Variants in PRDM5 observed in about 807,000 individuals in gnomAD.
PRDM5 encodes PR domain zinc finger protein 5.
A neutral mutation model predicts 81.2 loss-of-function variants in PRDM5; 56 were observed. The observed-to-expected ratio is 0.69, with a 90% CI of 0.56 to 0.86. The LOEUF is 0.86. Among genes scored for constraint, PRDM5 ranks in the 40% least tolerant of loss-of-function variants. PRDM5 has a pLI of 0.00. For synonymous variants in PRDM5, 267 were observed against 256.4 expected (o/e 1.04, Z -0.39); for missense variants, 697 against 770.1 (o/e 0.91, Z 1.12).
intron 14 of PRDM5, among the ~76,000 whole-genome samples, chr4:120,743,387 C>A (rs1180213299): frequency 1.3e-5 from 2 of 151,006 alleles, no homozygotes; most frequent in African/African-American, 4.9e-5. Context: ...AGCAAAATAA[C>A]CAGCTAACAT....
rs1316559546 is a variant in PRDM5 at position 120,887,988 on chromosome 4, T to C, written c.177+19486A>G. On this transcript the variant is annotated intron_variant, in intron 2 of 15. Coordinates refer to ENST00000264808, the MANE Select transcript of PRDM5 (RefSeq NM_018699.4). The stretch of plus-strand genomic sequence containing the variant: ...TTTGTATTTTTAGTAGAGACGGGGT[T>C]TCACCGTTTTAGCCGGGATGGTCTC... Among the ~76,000 whole-genome samples, 6 of 66,596 alleles carry C rather than the reference T, an allele frequency of 9.0e-5. 2 individuals carry two copies. The highest frequency in any genetic ancestry group is 8.7e-4 in the East Asian group (2 of 2,286). The allele number at this position is 66,596 out of a possible 152,430, so 43.7% of individuals were successfully genotyped here.
rs1390610787 is a variant in PRDM5, at chr4:120,907,565, G to A, written c.94-8C>T. ...GGGTCCGAACTTTTCACCCTGAGTA[G>A]CAATGATTATATTGAACAAGGATTA... On this transcript the variant is annotated splice_region_variant and splice_polypyrimidine_tract_variant and intron_variant, in intron 1 of 15. Transcript: ENST00000264808. The A allele has an allele frequency of 2.5e-6, 4 of 1,595,456 alleles. No homozygotes were observed. Among genetic ancestry groups the A allele is most frequent in the Non-Finnish European group, 3.4e-6 (4 of 1,163,222 alleles).
At position 120,838,335 on chromosome 4, in the gene PRDM5, G is replaced by A. The variant is rs139243586; in HGVS notation, c.300+15083C>T. 1.7e-4 allele frequency: 26 copies of A among 152,112 alleles called. 1 individual carries two copies. In the East Asian group the frequency reaches 4.6e-3, roughly 27 times the overall value. 9.4% of individuals were successfully genotyped at this position (152,112 alleles called of 1,614,324 possible). A position where few individuals can be genotyped will look rare whatever the true frequency, so the allele number is the denominator to read the frequency against. ...ACACATAATTGTACATATTCATGGGGTACCTAGTGATGTTACAATACATAT... is the reference window on the plus strand; with the variant it reads ...ACACATAATTGTACATATTCATGGGATACCTAGTGATGTTACAATACATAT... On this transcript the variant is annotated intron_variant, in intron 3 of 15. Transcript: ENST00000264808.
intron 3 of PRDM5, among the ~76,000 whole-genome samples, chr4:120,849,336 T>C (rs533867814): frequency 2.0e-5 from 3 of 152,246 alleles, no homozygotes; most frequent in South Asian, 2.1e-4. Flanking sequence ...TGACTATCCA[T>C]CCTCAGGCAA....
At chr4:120,706,608 T>A (rs1736188204) in intron 15 of PRDM5, among the ~76,000 whole-genome samples, 1 of 151,806 alleles carries the variant, frequency 6.6e-6, no homozygotes, top group Non-Finnish European at 1.5e-5. Flanking sequence ...ATTTCAAAGT[T>A]ATTGCTATAG....
At chr4:120,816,792 A>G in intron 6 of PRDM5, 40 bp downstream of exon 6, 1 of 1,573,438 alleles carries the variant, frequency 6.4e-7, no homozygotes, top group Non-Finnish European at 8.7e-7. Context: ...AAAATGACCC[A>G]CAATTATATA....
At chr4:120,796,149 G>A (rs116765043) in intron 10 of PRDM5, among the ~76,000 whole-genome samples, 2,750 of 151,978 alleles carry the variant, frequency 0.018, 31 homozygotes, top group Middle Eastern at 0.031. Flanking sequence ...TAATTTCTGT[G>A]GCATATCCTT....
intron 2 of PRDM5, among the ~76,000 whole-genome samples, chr4:120,872,528 A>G (rs1761936391): frequency 1.3e-5 from 2 of 152,296 alleles, no homozygotes; most frequent in Admixed American, 6.5e-5. Context: ...AGGCAGGAGG[A>G]TGACTTGAGG....
chr4:120,891,099 A>C (rs1205394747), intron 2 of PRDM5, among the ~76,000 whole-genome samples: 2 of 152,204 alleles, frequency 1.3e-5, no homozygotes, highest in African/African-American at 2.4e-5. Flanking sequence ...TAGTTTCAGT[A>C]GGAATGGCAC....
At chr4:120,909,175 C>T (rs1213284651) in intron 1 of PRDM5, among the ~76,000 whole-genome samples, 1 of 152,190 alleles carries the variant, frequency 6.6e-6, no homozygotes, top group Non-Finnish European at 1.5e-5. Flanking sequence ...GACATAGTAT[C>T]AGGAACCAGT....
intron 3 of PRDM5, among the ~76,000 whole-genome samples, chr4:120,828,851 G>C (rs147363773): frequency 1.3e-5 from 2 of 152,092 alleles, no homozygotes; most frequent in Non-Finnish European, 2.9e-5. Context: ...TTCTGGCTTT[G>C]GCTTGGCCGC....
intron 2 of PRDM5, among the ~76,000 whole-genome samples, chr4:120,866,503 G>A (rs1391446838): frequency 1.3e-5 from 2 of 152,154 alleles, no homozygotes; most frequent in East Asian, 1.9e-4. Flanking sequence ...TATGTGCCAG[G>A]CACTTTGTTA....
At chr4:120,847,739 G>C (rs147257224) in intron 3 of PRDM5, among the ~76,000 whole-genome samples, 1,595 of 152,272 alleles carry the variant, frequency 0.01, 25 homozygotes, top group Admixed American at 0.015. Context: ...CTAGATGAAA[G>C]TCATTCTGCA....
chr4:120,804,628 A>G (rs1752643813), intron 8 of PRDM5, among the ~76,000 whole-genome samples: 1 of 152,248 alleles, frequency 6.6e-6, no homozygotes, highest in African/African-American at 2.4e-5. Context: ...TGAAGGCAGA[A>G]ATAAAGATGT....
chr4:120,911,223 C>T (rs1766469976), intron 1 of PRDM5, among the ~76,000 whole-genome samples: 1 of 152,154 alleles, frequency 6.6e-6, no homozygotes, highest in African/African-American at 2.4e-5. Flanking sequence ...CATGTGGACC[C>T]AATGTTGCCA....
In PRDM5 at chr4:120,787,809, A is replaced by G. The variant is rs77159274; in HGVS notation, c.1189-2718T>C. 1.4e-4 allele frequency among the ~76,000 whole-genome samples: 21 copies of G among 152,320 alleles called. 1 individual carries two copies. The East Asian group carries it at 3.9e-3, about 28-fold the overall frequency. On this transcript the variant is annotated intron_variant, in intron 10 of 15. Coordinates refer to ENST00000264808, the MANE Select transcript of PRDM5 (RefSeq NM_018699.4). ...TTTGGGGCAAGTTCAAATAAATATT[A>G]CGAGATGTCTAGCACTACAGGTACT...
chr4:120,900,677 C>T (rs1488775550), intron 2 of PRDM5, among the ~76,000 whole-genome samples: 1 of 152,090 alleles, frequency 6.6e-6, no homozygotes, highest in Non-Finnish European at 1.5e-5. Context: ...ACAGAAGGAG[C>T]CCCAACTCAT....
chr4:120,710,901 A>G (rs1736874163), intron 14 of PRDM5, among the ~76,000 whole-genome samples: 1 of 152,168 alleles, frequency 6.6e-6, no homozygotes, highest in African/African-American at 2.4e-5. Context: ...AGAACAAACT[A>G]ATACAGGTGC....
intron 13 of PRDM5, among the ~76,000 whole-genome samples, chr4:120,760,956 T>C (rs1745522519): frequency 6.6e-6 from 1 of 152,212 alleles, no homozygotes; most frequent in Non-Finnish European, 1.5e-5. Context: ...ATCCCTGGGC[T>C]GGAGAAGTGG....
Sources: allele counts gnomAD v4.1 joint callset (sites outside exome capture counted in the v4.1 genomes callset), GRCh38; gene constraint gnomAD v4.1.1; transcripts MANE v1.5; gene names NCBI Gene and HGNC (gene_info 2026-07-23, HGNC 2026-07-21).